Variants in TBC1D8 observed in about 807,000 individuals in gnomAD.
The protein encoded by TBC1D8 is BUB2-like protein 1.
In TBC1D8, 65 loss-of-function variants were observed where a neutral mutation model predicts 118.8. The ratio of observed to expected loss-of-function variants is 0.55; its 90% confidence interval spans 0.45 to 0.67. The LOEUF is 0.67. Ranked by LOEUF, TBC1D8 falls within the 30% of genes least tolerant of loss-of-function variation. The pLI is 0.00. For synonymous variants in TBC1D8, 566 were observed against 595.8 expected, an observed-to-expected ratio of 0.95 and a Z score of 0.73; for missense variants, 1,376 against 1,471.2, an observed-to-expected ratio of 0.94 and a Z score of 1.06.
chr2:101,017,765 G>A (rs189389729), intron 17 of TBC1D8: 1 of 1,397,418 alleles, frequency 7.2e-7, no homozygotes, highest in East Asian at 2.5e-5. Context: ...AAAAGGATAA[G>A]ATGTTACCAA....
chr2:101,095,271 T>TATTATTATTATTATTA (rs1574023624), intron 1 of TBC1D8, among the ~76,000 whole-genome samples: 1 of 150,202 alleles, frequency 6.7e-6, no homozygotes, highest in Non-Finnish European at 1.5e-5. Flanking sequence ...ATTATTATAC[T>TATTATTATTATTATTA]TTAAGTTTTA....
At chr2:101,145,245 T>A (rs1176552848) in intron 1 of TBC1D8, among the ~76,000 whole-genome samples, 1 of 152,250 alleles carries the variant, frequency 6.6e-6, no homozygotes, top group South Asian at 2.1e-4. Flanking sequence ...ATGCAACTCT[T>A]GGAAACCTCA....
intron 17 of TBC1D8, chr2:101,019,097 G>T: frequency 3.2e-6 from 5 of 1,576,332 alleles, no homozygotes; most frequent in Non-Finnish European, 4.3e-6. Context: ...TGCTTCCTGA[G>T]CTGCAGCAGA....
intron 2 of TBC1D8, among the ~76,000 whole-genome samples, chr2:101,077,438 G>T (rs1483067610): frequency 1.3e-5 from 2 of 151,866 alleles, no homozygotes; most frequent in African/African-American, 4.8e-5. Context: ...TAGTAGAGAC[G>T]GGGTTTCACT....
chr2:101,093,315 T>A (rs562946881), intron 1 of TBC1D8, among the ~76,000 whole-genome samples: 1 of 152,318 alleles, frequency 6.6e-6, no homozygotes, highest in Middle Eastern at 3.4e-3. Context: ...GCCCCAGCAC[T>A]GTTCCAAGGC....
intron 12 of TBC1D8, 95 bp from the exon 13 acceptor site, chr2:101,028,527 C>A: frequency 6.9e-7 from 1 of 1,459,810 alleles, no homozygotes; most frequent in East Asian, 2.3e-5. Context: ...AGGGCACTTC[C>A]AAACACCAAC....
chr2:101,049,972 G>A (rs6719632), intron 5 of TBC1D8, among the ~76,000 whole-genome samples: 2,544 of 151,698 alleles, frequency 0.017, 94 homozygotes, highest in African/African-American at 0.056. Flanking sequence ...GACTACAGGC[G>A]CCTGCCACCA....
chr2:101,081,495 A>T (rs1308590652), intron 2 of TBC1D8, among the ~76,000 whole-genome samples: 1 of 152,226 alleles, frequency 6.6e-6, no homozygotes, highest in Non-Finnish European at 1.5e-5. Context: ...TCTGCAAAGC[A>T]GTGAGTGTTA....
At chr2:101,047,145 G>C (rs972758569) in intron 5 of TBC1D8, among the ~76,000 whole-genome samples, 1 of 152,176 alleles carries the variant, frequency 6.6e-6, no homozygotes, top group Non-Finnish European at 1.5e-5. Flanking sequence ...TATGATGCAG[G>C]GATCCCTGGC....
chr2:101,096,062 C>CT (rs1165134607), intron 1 of TBC1D8, among the ~76,000 whole-genome samples: 11 of 152,106 alleles, frequency 7.2e-5, no homozygotes, highest in Non-Finnish European at 1.5e-4. Context: ...AGAAAGAGTT[C>CT]TTTTTTTGTT....
chr2:101,082,193 G>A (rs1675309608), intron 2 of TBC1D8, among the ~76,000 whole-genome samples: 1 of 152,098 alleles, frequency 6.6e-6, no homozygotes, highest in Admixed American at 6.6e-5. Flanking sequence ...GTAACCTTGG[G>A]AATTACCTAC....
chr2:101,040,526 G>T, intron 5 of TBC1D8, 141 bp from the exon 6 acceptor site: 1 of 825,600 alleles, frequency 1.2e-6, no homozygotes, highest in Non-Finnish European at 1.9e-6. Context: ...ATGGAGTGCA[G>T]TGGTGCGAGC....
At chr2:101,137,553 C>G (rs1678910916) in intron 1 of TBC1D8, among the ~76,000 whole-genome samples, 1 of 152,182 alleles carries the variant, frequency 6.6e-6, no homozygotes, top group African/African-American at 2.4e-5. Flanking sequence ...ACCATGTGAT[C>G]CGCCCACCTT....
intron 2 of TBC1D8, among the ~76,000 whole-genome samples, chr2:101,084,406 A>G (rs146402730): frequency 4.8e-4 from 73 of 152,316 alleles, no homozygotes; most frequent in African/African-American, 1.6e-3. Flanking sequence ...AAAATTTGCC[A>G]GGCACAGTGG....
chr2:101,101,246 A>C (rs780754044), intron 1 of TBC1D8, among the ~76,000 whole-genome samples: 7 of 152,232 alleles, frequency 4.6e-5, no homozygotes, highest in Non-Finnish European at 1.0e-4. Flanking sequence ...GGATATAAAC[A>C]GATACTTCTC....
intron 1 of TBC1D8, among the ~76,000 whole-genome samples, chr2:101,101,077 A>T (rs1201499190): frequency 6.6e-6 from 1 of 152,260 alleles, no homozygotes; most frequent in Non-Finnish European, 1.5e-5. Context: ...TCTTCTGCAC[A>T]GCAAAAGAAA....
chr2:101,075,767 A>T (rs1276700880), intron 2 of TBC1D8, among the ~76,000 whole-genome samples: 3 of 152,194 alleles, frequency 2.0e-5, no homozygotes, highest in Non-Finnish European at 2.9e-5. Flanking sequence ...AGTCTCAGGC[A>T]GTTCTTTATA....
intron 1 of TBC1D8, among the ~76,000 whole-genome samples, chr2:101,115,591 A>C (rs1677784008): frequency 6.6e-6 from 1 of 152,156 alleles, no homozygotes; most frequent in Non-Finnish European, 1.5e-5. Flanking sequence ...TCTCTACTAA[A>C]AATGTAGAAA....
intron 19 of TBC1D8, among the ~76,000 whole-genome samples, chr2:101,008,898 AC>A (rs948595799): frequency 5.3e-5 from 8 of 152,342 alleles, no homozygotes; most frequent in Middle Eastern, 3.4e-3. Flanking sequence ...AATGCTGGAA[AC>A]AGCTGAAACG....
Sources: gnomAD v4.1 joint callset for allele counts (sites outside exome capture counted in the v4.1 genomes callset) on GRCh38, gnomAD v4.1.1 for gene constraint, MANE v1.5 for transcripts, NCBI Gene and HGNC (gene_info 2026-07-23, HGNC 2026-07-21) for gene names.